KPNA3: variants seen among roughly 807,000 people sequenced by gnomAD.
KPNA3 encodes the protein karyopherin subunit alpha 3, also known as importin subunit alpha-4.
KPNA3 carries 13 observed loss-of-function variants against 73.8 expected under a neutral mutation model. The ratio of observed to expected loss-of-function variants is 0.18; its 90% CI spans 0.11 to 0.28. The LOEUF (loss-of-function observed/expected upper bound fraction) is 0.28, where lower values mean the gene tolerates loss of function less well. Ranked by LOEUF, KPNA3 falls within the 10% of genes least tolerant of loss-of-function variation. KPNA3 has a pLI of 1.00. For missense variants in KPNA3, 360 were observed against 618.1 expected (o/e 0.58, Z 4.43); for synonymous variants, 186 against 206.9 (o/e 0.90, Z 0.87).
intron 6 of KPNA3, among the ~76,000 whole-genome samples, chr13:49,731,238 C>T (rs1262328663): frequency 6.1e-5 from 9 of 146,462 alleles, no homozygotes; most frequent in Admixed American, 5.6e-4. Flanking sequence ...CCATGCCTGG[C>T]TAATTTTCGT....
Position 49,792,538 on chromosome 13 carries a change from T to A in KPNA3, c.-32A>T. 7.5e-7 allele frequency: 1 copy of A among 1,340,988 alleles called. No homozygotes were observed. The highest frequency in any genetic ancestry group is 9.9e-7 in the Non-Finnish European group (1 of 1,013,474). The allele number at this position is 1,340,988 out of a possible 1,614,324, so 83.1% of individuals were successfully genotyped here. ...GCGCGGCTCCGGCGGCGGCTACTCCTGCGGCTGCGGCGGCGGCGGCGGCGA... is the reference window on the plus strand; with the variant it reads ...GCGCGGCTCCGGCGGCGGCTACTCCAGCGGCTGCGGCGGCGGCGGCGGCGA... On this transcript the variant is annotated 5_prime_UTR_variant, in exon 1 of 17. Transcript: ENST00000261667.
chr13:49,728,863 G>C (rs1457002282), intron 6 of KPNA3, among the ~76,000 whole-genome samples: 2 of 152,190 alleles, frequency 1.3e-5, no homozygotes. Context: ...AATTTTGCAA[G>C]AGAATCAATA....
intron 1 of KPNA3, among the ~76,000 whole-genome samples, chr13:49,762,627 G>A (rs1038976011): frequency 5.3e-5 from 8 of 152,034 alleles, no homozygotes; most frequent in African/African-American, 1.9e-4. Flanking sequence ...GATTAAGGGC[G>A]GTGCAAGATG....
intron 1 of KPNA3, among the ~76,000 whole-genome samples, chr13:49,748,222 T>G (rs2137570390): frequency 6.6e-6 from 1 of 152,324 alleles, no homozygotes; most frequent in Non-Finnish European, 1.5e-5. Flanking sequence ...TCTCTAATGA[T>G]TCATATTTTT....
chr13:49,780,065 T>G (rs950541443), intron 1 of KPNA3, among the ~76,000 whole-genome samples: 4 of 152,144 alleles, frequency 2.6e-5, no homozygotes, highest in Non-Finnish European at 4.4e-5. Flanking sequence ...CTGCTCCTCT[T>G]TCCTTCTTAT....
chr13:49,775,497 A>G (rs769559468), intron 1 of KPNA3, among the ~76,000 whole-genome samples: 3 of 152,158 alleles, frequency 2.0e-5, no homozygotes, highest in Non-Finnish European at 4.4e-5. Context: ...GTTCATCCAT[A>G]TGGCTGTACA....
At position 49,732,485 on chromosome 13, in the gene KPNA3, G is replaced by C; in HGVS notation, c.288-19C>G. ...CAGTTTTCTAGGAAAATAAATATGA[G>C]AAATTAATTGCTATAATTTTCAAAC... is the stretch of plus-strand genomic sequence containing the variant. On this transcript the variant is annotated intron_variant, in intron 5 of 16. Transcript: ENST00000261667. 1 of 1,505,608 alleles carries C rather than the reference G, an allele frequency of 6.6e-7. No individual in the cohort carries two copies. The allele number at this position is 1,505,608 out of a possible 1,614,324, so 93.3% of individuals were successfully genotyped here. A position where few individuals can be genotyped will look rare whatever the true frequency, so the allele number is the denominator to read the frequency against.
chr13:49,740,103 T>A (rs1285756700), intron 2 of KPNA3, among the ~76,000 whole-genome samples: 2 of 151,792 alleles, frequency 1.3e-5, no homozygotes, highest in Non-Finnish European at 2.9e-5. Flanking sequence ...ATACAAAAAA[T>A]TAGCTGAGCA....
intron 1 of KPNA3, among the ~76,000 whole-genome samples, chr13:49,783,386 T>G (rs1363277689): frequency 6.6e-6 from 1 of 152,166 alleles, no homozygotes; most frequent in Non-Finnish European, 1.5e-5. Flanking sequence ...TCCTTATACT[T>G]TTAATATTCC....
At chr13:49,749,647 G>A (rs1368866794) in intron 1 of KPNA3, among the ~76,000 whole-genome samples, 1 of 152,058 alleles carries the variant, frequency 6.6e-6, no homozygotes, top group African/African-American at 2.4e-5. Flanking sequence ...CCCATGAAAC[G>A]AACCATATGA....
chr13:49,743,416 G>A (rs1283600090), intron 2 of KPNA3, among the ~76,000 whole-genome samples: 1 of 152,042 alleles, frequency 6.6e-6, no homozygotes, highest in African/African-American at 2.4e-5. Context: ...TAAACTTCAG[G>A]CGTTGTTTCA....
chr13:49,732,472 A>G lies in KPNA3; in HGVS notation c.288-6T>C. The stretch of plus-strand genomic sequence containing the variant: ...TGTCACTGGATAACAGTTTTCTAGG[A>G]AAATAAATATGAGAAATTAATTGCT... On this transcript the variant is annotated splice_region_variant and splice_polypyrimidine_tract_variant and intron_variant, in intron 5 of 16. Coordinates refer to ENST00000261667, the MANE Select transcript of KPNA3 (RefSeq NM_002267.4). 1.9e-6 allele frequency: 3 copies of G among 1,554,454 alleles called. No homozygotes were observed.
At chr13:49,707,171 C>T (rs936812749) in intron 12 of KPNA3, among the ~76,000 whole-genome samples, 14 of 152,064 alleles carry the variant, frequency 9.2e-5, no homozygotes, top group Non-Finnish European at 2.1e-4. Context: ...AAAAATTAAC[C>T]ATCTAACTAG....
At chr13:49,743,637 T>G (rs1489249983) in intron 2 of KPNA3, among the ~76,000 whole-genome samples, 2 of 150,414 alleles carry the variant, frequency 1.3e-5, no homozygotes, top group Non-Finnish European at 2.9e-5. Flanking sequence ...TAAAAAGATA[T>G]GCTGTGACAT....
chr13:49,778,432 A>C (rs548444348), intron 1 of KPNA3, among the ~76,000 whole-genome samples: 11 of 152,350 alleles, frequency 7.2e-5, no homozygotes, highest in African/African-American at 2.6e-4. Context: ...AGTCTCTCTG[A>C]ACATACTGTG....
intron 1 of KPNA3, among the ~76,000 whole-genome samples, chr13:49,774,252 C>T (rs1954878527): frequency 6.6e-6 from 1 of 152,082 alleles, no homozygotes; most frequent in Admixed American, 6.6e-5. Context: ...AATTTCTCCA[C>T]TTCAATAAAT....
At chr13:49,714,228 T>C (rs562250928) in intron 10 of KPNA3, among the ~76,000 whole-genome samples, 1 of 151,210 alleles carries the variant, frequency 6.6e-6, no homozygotes, top group Admixed American at 6.6e-5. Flanking sequence ...AGTAATGAGA[T>C]AAAGAATAGA....
At chr13:49,718,655 G>T (rs1954327199) in intron 10 of KPNA3, among the ~76,000 whole-genome samples, 1 of 152,040 alleles carries the variant, frequency 6.6e-6, no homozygotes, top group Non-Finnish European at 1.5e-5. Flanking sequence ...TATCTTATAT[G>T]TCTTTTGTTA....
chr13:49,722,454 A>G lies in KPNA3; in HGVS notation c.556+23T>C, dbSNP rs569168195. 2.6e-5 allele frequency: 38 copies of G among 1,486,962 alleles called. No individual in the cohort carries two copies. The African/African-American group carries it at 3.8e-4, about 15-fold the overall frequency. The allele number at this position is 1,486,962 out of a possible 1,614,324, so 92.1% of individuals were successfully genotyped here. ...AAAAAAGTTAATTTAGATTCTTAAG[A>G]GGATTCCTTTCAAACCACTTACCTA... On this transcript the variant is annotated intron_variant, in intron 8 of 16. Coordinates refer to ENST00000261667, the MANE Select transcript of KPNA3 (RefSeq NM_002267.4).
Sources: allele counts gnomAD v4.1 joint callset (sites outside exome capture counted in the v4.1 genomes callset), GRCh38; gene constraint gnomAD v4.1.1; transcripts MANE v1.5; gene names NCBI Gene and HGNC (gene_info 2026-07-23, HGNC 2026-07-21).